CRYBA4: variants seen among roughly 807,000 people sequenced by gnomAD.
CRYBA4 encodes crystallin beta A4, also known as beta-crystallin A4.
A neutral mutation model predicts 31.7 loss-of-function variants in CRYBA4; 30 were observed. That is an observed-to-expected ratio of 0.95 (90% CI 0.71 to 1.28). The LOEUF (loss-of-function observed/expected upper bound fraction) is 1.28, where lower values mean the gene tolerates loss of function less well. Ranked by LOEUF, CRYBA4 falls within the 50% of genes most tolerant of loss-of-function variation. The pLI, the probability that CRYBA4 is intolerant of heterozygous loss-of-function variation, is 0.00. For missense variants in CRYBA4, 225 were observed against 260.7 expected, an observed-to-expected ratio of 0.86 and a Z score of 0.94; for synonymous variants, 102 against 102.3, an observed-to-expected ratio of 1.00 and a Z score of 0.02.
chr22:26,613,956 C>T, the CRYBA4 span, among the ~76,000 whole-genome samples: 17 of 152,112 alleles, frequency 1.1e-4, no homozygotes, highest in African/African-American at 3.6e-4. Context: ...TGGGCGTGGT[C>T]GTCTCTTATG....
chr22:26,603,741 T>C, the CRYBA4 span, among the ~76,000 whole-genome samples: 1 of 134,474 alleles, frequency 7.4e-6, no homozygotes, highest in South Asian at 2.8e-4. Flanking sequence ...CCATCTCTAC[T>C]AAAAATACAA....
intron 4 of CRYBA4, 113 bp downstream of exon 4, chr22:26,625,735 A>G (rs1602340381): frequency 7.3e-6 from 8 of 1,089,292 alleles, no homozygotes; most frequent in Non-Finnish European, 1.4e-6. Flanking sequence ...GCTGTGTGAC[A>G]AGGGCTGTTC....
chr22:26,607,366 G>A, the CRYBA4 span, among the ~76,000 whole-genome samples: 1 of 151,986 alleles, frequency 6.6e-6, no homozygotes, highest in Non-Finnish European at 1.5e-5. Flanking sequence ...CAACCAGCAT[G>A]TTTGGTGTTT....
At chr22:26,608,053 G>A in the CRYBA4 span, 1 of 1,613,962 alleles carries the variant, frequency 6.2e-7, no homozygotes, top group Non-Finnish European at 8.5e-7. Context: ...AGGCAGACAG[G>A]AGACATATGG....
the CRYBA4 span, among the ~76,000 whole-genome samples, chr22:26,608,492 G>T: frequency 6.6e-6 from 1 of 152,084 alleles, no homozygotes; most frequent in Non-Finnish European, 1.5e-5. Flanking sequence ...AGAGAGAAAA[G>T]ACCACTAGCC....
At chr22:26,610,419 A>G in the CRYBA4 span, among the ~76,000 whole-genome samples, 2 of 152,126 alleles carry the variant, frequency 1.3e-5, no homozygotes, top group East Asian at 3.9e-4. Flanking sequence ...CATGCCCATC[A>G]GGCACGGCTC....
In CRYBA4 at chr22:26,630,329, C is replaced by T; in HGVS notation, c.444-11C>T. 1 of 1,614,116 alleles carries T rather than the reference C, an allele frequency of 6.2e-7. No homozygotes were observed. Among genetic ancestry groups the T allele is most frequent in the East Asian group, 2.2e-5 (1 of 44,890 alleles). On this transcript the variant is annotated splice_polypyrimidine_tract_variant and intron_variant, in intron 5 of 5. Transcript: ENST00000354760. The stretch of plus-strand genomic sequence containing the variant: ...TCTGTAGAGTAACTGTCTGCCTTTT[C>T]TCTTTTCCAGCTGGGTTTGCTCCCA...
intron 5 of CRYBA4, 48 bp downstream of exon 5, chr22:26,628,478 G>T: frequency 6.2e-7 from 1 of 1,608,876 alleles, no homozygotes; most frequent in South Asian, 1.1e-5. Context: ...CTACTGGGAG[G>T]GGTAGGTGTA....
chr22:26,629,496 C>G (rs2145985433), intron 5 of CRYBA4, among the ~76,000 whole-genome samples: 1 of 152,000 alleles, frequency 6.6e-6, no homozygotes, highest in East Asian at 1.9e-4. Context: ...AATCCCAGCC[C>G]TTTGGGAGGC....
intron 4 of CRYBA4, among the ~76,000 whole-genome samples, chr22:26,627,498 T>TTCTTTC (rs1197041516): frequency 3.1e-5 from 1 of 32,248 alleles, no homozygotes; most frequent in Non-Finnish European, 5.3e-5. Flanking sequence ...TTTTCTTTCT[T>TTCTTTC]TCTTTCTTTC....
chr22:26,610,410 A>G, the CRYBA4 span, among the ~76,000 whole-genome samples: 1 of 151,788 alleles, frequency 6.6e-6, no homozygotes, highest in South Asian at 2.1e-4. Context: ...GCCCGTTTCC[A>G]TGCCCATCAG....
chr22:26,619,379 C>T (rs991968007), upstream of CRYBA4, among the ~76,000 whole-genome samples: 1 of 152,144 alleles, frequency 6.6e-6, no homozygotes, highest in African/African-American at 2.4e-5. Context: ...ATGGAGAAAC[C>T]GAGGCCCAGG....
At chr22:26,608,028 A>G in the CRYBA4 span, 2 of 1,614,034 alleles carry the variant, frequency 1.2e-6, no homozygotes, top group Non-Finnish European at 1.7e-6. Flanking sequence ...CCAGCTGGAT[A>G]CAAGAAGGAC....
the CRYBA4 span, among the ~76,000 whole-genome samples, chr22:26,614,372 T>C: frequency 6.6e-6 from 1 of 152,212 alleles, no homozygotes; most frequent in South Asian, 2.1e-4. Flanking sequence ...TTTTCTCTTT[T>C]GTACTCTGTC....
the CRYBA4 span, among the ~76,000 whole-genome samples, chr22:26,610,679 G>A: frequency 4.6e-5 from 7 of 152,184 alleles, no homozygotes; most frequent in East Asian, 9.6e-4. Context: ...AGGTGGGTAC[G>A]TGACCATCAG....
intron 4 of CRYBA4, among the ~76,000 whole-genome samples, chr22:26,628,060 T>TA (rs1462174474): frequency 3.3e-5 from 5 of 152,232 alleles, no homozygotes; most frequent in African/African-American, 1.2e-4. Context: ...AAAAAACTGT[T>TA]ATGATGAACA....
chr22:26,594,781 G>A, the CRYBA4 span, among the ~76,000 whole-genome samples: 1 of 152,194 alleles, frequency 6.6e-6, no homozygotes, highest in Non-Finnish European at 1.5e-5. Flanking sequence ...CCTTGGAGAA[G>A]CCCCCGAAAA....
At chr22:26,624,809 A>C (rs1929651342) in intron 3 of CRYBA4, among the ~76,000 whole-genome samples, 2 of 152,200 alleles carry the variant, frequency 1.3e-5, no homozygotes, top group Non-Finnish European at 2.9e-5. Context: ...AGGCATTAGG[A>C]ATGGTAGGAA....
chr22:26,599,551 C>T, the CRYBA4 span: 24 of 1,614,014 alleles, frequency 1.5e-5, no homozygotes, highest in Middle Eastern at 1.7e-4. Flanking sequence ...CTGCTTGTCA[C>T]GCAGGCGACG....
Sources: allele counts gnomAD v4.1 joint callset (sites outside exome capture counted in the v4.1 genomes callset), GRCh38; gene constraint gnomAD v4.1.1; transcripts MANE v1.5; gene names NCBI Gene and HGNC (gene_info 2026-07-23, HGNC 2026-07-21).